ARFGEF3: variants seen among roughly 807,000 people sequenced by gnomAD.
The protein encoded by ARFGEF3 is brefeldin A-inhibited guanine nucleotide-exchange protein 3.
In ARFGEF3, 96 loss-of-function variants were observed where a neutral mutation model predicts 221.7. The ratio of observed to expected loss-of-function variants is 0.43; its 90% CI spans 0.37 to 0.51. The LOEUF is 0.51. Among genes scored for constraint, ARFGEF3 ranks in the 20% least tolerant of loss-of-function variants. The probability of loss-of-function intolerance (pLI) is 0.00; values close to 1 mark genes in which losing one functional copy is unlikely to be tolerated. For missense variants in ARFGEF3, 2,410 were observed against 2,789.9 expected (o/e 0.86, Z 3.07); for synonymous variants, 1,145 against 1,126.8 (o/e 1.02, Z -0.32).
chr6:138,270,423 C>T (rs369795711), intron 12 of ARFGEF3, among the ~76,000 whole-genome samples: 7 of 121,306 alleles, frequency 5.8e-5, no homozygotes, highest in South Asian at 2.9e-4. Flanking sequence ...AGGAATTTTA[C>T]GTAGACACAC....
At chr6:138,300,491 T>C (rs1177457153) in intron 22 of ARFGEF3, among the ~76,000 whole-genome samples, 1 of 152,140 alleles carries the variant, frequency 6.6e-6, no homozygotes, top group East Asian at 1.9e-4. Context: ...ACTGACATAC[T>C]ATAGGGCAGT....
chr6:138,197,078 C>G (rs565948723), intron 2 of ARFGEF3, among the ~76,000 whole-genome samples: 2 of 152,330 alleles, frequency 1.3e-5, no homozygotes, highest in Admixed American at 6.5e-5. Flanking sequence ...GGTGATCCAC[C>G]TGCCTCAGCC....
chr6:138,298,852 A>G (rs918708802), intron 22 of ARFGEF3, 67 bp downstream of exon 22: 4 of 1,222,594 alleles, frequency 3.3e-6, no homozygotes, highest in Non-Finnish European at 4.7e-6. Context: ...GCACGGTTCT[A>G]TGAGCTTCGC....
intron 32 of ARFGEF3, among the ~76,000 whole-genome samples, chr6:138,332,618 G>A (rs1780247562): frequency 6.6e-6 from 1 of 152,152 alleles, no homozygotes; most frequent in Admixed American, 6.5e-5. Flanking sequence ...AAAATGGAGA[G>A]TTGTTGTTTA....
At chr6:138,191,188 C>T (rs909690945) in intron 2 of ARFGEF3, among the ~76,000 whole-genome samples, 1 of 152,092 alleles carries the variant, frequency 6.6e-6, no homozygotes, top group African/African-American at 2.4e-5. Context: ...CTAACTTTCA[C>T]AGTAGAGTTA....
chr6:138,315,715 TG>T (rs202155794), intron 26 of ARFGEF3, among the ~76,000 whole-genome samples: 3 of 151,342 alleles, frequency 2.0e-5, no homozygotes, highest in Admixed American at 6.6e-5. Flanking sequence ...TCAAGCGTGG[TG>T]GGGGGGCGCC....
chr6:138,213,300 A>C (rs1777768937), intron 4 of ARFGEF3, among the ~76,000 whole-genome samples: 1 of 151,650 alleles, frequency 6.6e-6, no homozygotes, highest in African/African-American at 2.4e-5. Context: ...AAAAAAAAAA[A>C]AAAAAATTTA....
At chr6:138,326,011 C>T (rs1780121006) in intron 31 of ARFGEF3, among the ~76,000 whole-genome samples, 1 of 152,070 alleles carries the variant, frequency 6.6e-6, no homozygotes, top group Admixed American at 6.5e-5. Flanking sequence ...TGTGCACCAC[C>T]ACACCCAGCT....
rs1399268961 is a variant in ARFGEF3, at chr6:138,317,310, C to A, written c.4405C>A (p.Pro1469Thr). Residue 1469 changes from proline (P) to threonine (T), a missense_variant, in exon 27 of 34, where the codon CCA (proline) becomes ACA (threonine). Pro to Thr is a conservative substitution (Grantham distance 38, BLOSUM62 -1). This residue lies in a region of ARFGEF3 where 723 missense variants were observed against 991.9 expected (regional missense o/e 0.73). Coordinates refer to ENST00000251691, the MANE Select transcript of ARFGEF3 (RefSeq NM_020340.5). Reference sequence around the variant, plus strand: ...GCTGACAGCGGCTGTGTCCAATTGTCCACGGCAGCACCAACCACCAACTCT... The same window carrying A: ...GCTGACAGCGGCTGTGTCCAATTGTACACGGCAGCACCAACCACCAACTCT... ...EQLTAAVSNC[P>T]RQHQPPTLDL... The A allele has an allele frequency of 9.9e-6, 16 of 1,613,830 alleles. No individual in the cohort carries two copies. Among genetic ancestry groups the A allele is most frequent in the Non-Finnish European group, 1.4e-5 (16 of 1,179,864 alleles).
Position 138,298,673 on chromosome 6 carries a change from A to G in ARFGEF3, c.3716A>G (p.Glu1239Gly). ...TCCTTCATCCATGACATACTGACAG[A>G]AGTCCTCACTGACTGGAATGAGCCA... ...AVSFIHDILTEVLTDWNEPPH... is the reference protein window; with the variant it reads ...AVSFIHDILTGVLTDWNEPPH... The change falls in exon 22 of 34, where the codon GAA becomes GGA. Residue 1239 changes from glutamate to glycine, a missense_variant. Glu to Gly is a moderately conservative substitution (Grantham distance 98). Transcript: ENST00000251691. 6.2e-7 allele frequency: 1 copy of G among 1,613,668 alleles called. No homozygotes were observed. Among genetic ancestry groups the G allele is most frequent in the Non-Finnish European group, 8.5e-7 (1 of 1,179,748 alleles).
intron 5 of ARFGEF3, among the ~76,000 whole-genome samples, chr6:138,236,431 A>T (rs1025963513): frequency 7.9e-5 from 12 of 152,226 alleles, no homozygotes; most frequent in Non-Finnish European, 1.8e-4. Context: ...ATGTATCTTC[A>T]AAGTTTTAAA....
At chr6:138,227,816 G>A (rs1054872803) in intron 4 of ARFGEF3, among the ~76,000 whole-genome samples, 17 of 152,218 alleles carry the variant, frequency 1.1e-4, no homozygotes, top group African/African-American at 3.6e-4. Context: ...ACAAGGAGAT[G>A]TGATACTGAG....
At chr6:138,173,150 CTT>C (rs10586567) in intron 2 of ARFGEF3, among the ~76,000 whole-genome samples, 3 of 150,460 alleles carry the variant, frequency 2.0e-5, no homozygotes, top group Admixed American at 6.6e-5. Context: ...AAGAGTTCAC[CTT>C]TTTTTTTGAT....
intron 4 of ARFGEF3, among the ~76,000 whole-genome samples, chr6:138,221,329 G>T (rs1777979565): frequency 6.6e-6 from 1 of 152,180 alleles, no homozygotes; most frequent in South Asian, 2.1e-4. Flanking sequence ...GTTTCTTGAT[G>T]GGGATATCTA....
At chr6:138,180,602 C>T (rs931854922) in intron 2 of ARFGEF3, among the ~76,000 whole-genome samples, 5 of 152,084 alleles carry the variant, frequency 3.3e-5, no homozygotes, top group African/African-American at 4.8e-5. Flanking sequence ...AAAAAAAAGG[C>T]GGGCAGGTTG....
At chr6:138,174,473 A>T (rs1776898742) in intron 2 of ARFGEF3, among the ~76,000 whole-genome samples, 4 of 75,430 alleles carry the variant, frequency 5.3e-5, no homozygotes, top group Admixed American at 2.6e-4. Context: ...ATCTGCTAAA[A>T]AAAAAAAAAA....
chr6:138,163,290 G>T (rs1776654945), intron 1 of ARFGEF3, among the ~76,000 whole-genome samples: 1 of 152,124 alleles, frequency 6.6e-6, no homozygotes, highest in Non-Finnish European at 1.5e-5. Flanking sequence ...AAATTGTCTA[G>T]AATATTGTCT....
At chr6:138,256,681 C>T (rs917224365) in intron 10 of ARFGEF3, among the ~76,000 whole-genome samples, 6 of 152,058 alleles carry the variant, frequency 3.9e-5, no homozygotes, top group African/African-American at 2.4e-5. Flanking sequence ...TATGAGCCCA[C>T]GATAATAATT....
intron 2 of ARFGEF3, among the ~76,000 whole-genome samples, chr6:138,189,216 G>A (rs1301557842): frequency 1.3e-5 from 2 of 152,144 alleles, no homozygotes; most frequent in Non-Finnish European, 2.9e-5. Context: ...GAAAGTAAGA[G>A]AATACACAAC....
Sources: gnomAD v4.1 joint callset for allele counts (sites outside exome capture counted in the v4.1 genomes callset) on GRCh38, gnomAD v4.1.1 for gene constraint, gnomAD v4.1.1 regional missense constraint, MANE v1.5 for transcripts, NCBI Gene and HGNC (gene_info 2026-07-23, HGNC 2026-07-21) for gene names.